FUT8: variants seen among roughly 807,000 people sequenced by gnomAD.
The protein encoded by FUT8 is alpha-(1,6)-fucosyltransferase.
In FUT8, 29 loss-of-function variants were observed where a neutral mutation model predicts 71.3. The ratio of observed to expected loss-of-function variants is 0.41; its 90% confidence interval spans 0.30 to 0.55. FUT8 has a LOEUF of 0.55. FUT8 is among the 20% of genes least tolerant of loss of function. FUT8 has a pLI of 0.34. For synonymous variants in FUT8, 254 were observed against 239.3 expected, an observed-to-expected ratio of 1.06 and a Z score of -0.57; for missense variants, 544 against 702.1, an observed-to-expected ratio of 0.77 and a Z score of 2.55.
intron 9 of FUT8, among the ~76,000 whole-genome samples, chr14:65,726,263 T>G (rs944234601): frequency 3.3e-5 from 5 of 152,388 alleles, no homozygotes; most frequent in Admixed American, 3.3e-4. Context: ...CAAGCTTTTT[T>G]CCTTGTTTTC....
chr14:65,617,196 G>T, intron 5 of FUT8: 1 of 1,532,940 alleles, frequency 6.5e-7, no homozygotes, highest in South Asian at 1.3e-5. Flanking sequence ...ATACAAGTAA[G>T]AGATTTCATA....
At chr14:65,545,314 C>T (rs1415238019) in intron 2 of FUT8, among the ~76,000 whole-genome samples, 1 of 151,912 alleles carries the variant, frequency 6.6e-6, no homozygotes, top group Non-Finnish European at 1.5e-5. Context: ...GAGTCTTGGG[C>T]ACATATTAAT....
intron 2 of FUT8, among the ~76,000 whole-genome samples, chr14:65,464,226 T>G (rs1221306105): frequency 6.6e-6 from 1 of 151,892 alleles, no homozygotes; most frequent in Non-Finnish European, 1.5e-5. Flanking sequence ...TAATTGCTTA[T>G]TATTTCCAGG....
At chr14:65,624,757 T>C (rs982205788) in intron 5 of FUT8, among the ~76,000 whole-genome samples, 2 of 152,240 alleles carry the variant, frequency 1.3e-5, no homozygotes, top group Non-Finnish European at 2.9e-5. Context: ...TTGTATGACA[T>C]CTCCAGCACG....
chr14:65,383,989 T>G, the FUT8 span, among the ~76,000 whole-genome samples: 1 of 146,560 alleles, frequency 6.8e-6, no homozygotes, highest in African/African-American at 2.4e-5. Flanking sequence ...TGGCAGCCAC[T>G]GCAAGAATCA....
At position 65,561,327 on chromosome 14, in the gene FUT8, C is replaced by T. The variant is rs1885903233; in HGVS notation, c.-227-10C>T. ...AAATAATTTAAATACATTTCTTACT[C>T]TTTCCACAGCATGTAGAGCGCATGA... On this transcript the variant is annotated splice_polypyrimidine_tract_variant and intron_variant, in intron 2 of 10. Coordinates refer to ENST00000673929, the MANE Select transcript of FUT8 (RefSeq NM_001371533.1). The T allele has an allele frequency of 2.1e-6, 1 of 482,034 alleles. No individual in the cohort carries two copies. The highest frequency in any genetic ancestry group is 1.9e-5 in the African/African-American group (1 of 52,158). The allele number at this position is 482,034 out of a possible 1,614,324, so 29.9% of individuals were successfully genotyped here.
At chr14:65,613,361 A>G (rs1889108104) in intron 3 of FUT8, among the ~76,000 whole-genome samples, 2 of 152,202 alleles carry the variant, frequency 1.3e-5, no homozygotes, top group South Asian at 4.1e-4. Flanking sequence ...TTCTATTTTC[A>G]AATTGTTTCC....
Position 65,436,615 on chromosome 14 carries a change from C to G in FUT8, c.-325-19006C>G, listed in dbSNP as rs1345152049. Reference sequence around the variant, plus strand: ...CTGCACTCCAGCCTGGGCGACAGAGCGAGACTCCCTCTCAAAAAAAAAAAA... The same window carrying G: ...CTGCACTCCAGCCTGGGCGACAGAGGGAGACTCCCTCTCAAAAAAAAAAAA... On this transcript the variant is annotated intron_variant, in intron 1 of 10. Transcript: ENST00000673929. Among the ~76,000 whole-genome samples, 5 of 131,760 alleles carry G rather than the reference C, an allele frequency of 3.8e-5. No homozygotes were observed. In the South Asian group the frequency reaches 1.0e-3, roughly 27 times the overall value. 86.4% of individuals were successfully genotyped at this position (131,760 alleles called of 152,430 possible). A position where few individuals can be genotyped will look rare whatever the true frequency, so the allele number is the denominator to read the frequency against.
rs1300760778 is a variant in FUT8 at position 65,743,162 on chromosome 14, T to C, written c.*752T>C. On this transcript the variant is annotated 3_prime_UTR_variant, in exon 11 of 11. Coordinates refer to ENST00000673929, the MANE Select transcript of FUT8 (RefSeq NM_001371533.1). ...AAGGAATTTTGTAAAGTTTCTAGAA[T>C]TTTATATCATTGGATGATATGTTGA... is the stretch of plus-strand genomic sequence containing the variant. 6.6e-6 allele frequency: 1 copy of C among 152,278 alleles called. No individual in the cohort carries two copies. Among genetic ancestry groups the C allele is most frequent in the Non-Finnish European group, 1.5e-5 (1 of 67,888 alleles). The allele number at this position is 152,278 out of a possible 1,614,324, so 9.4% of individuals were successfully genotyped here. A position where few individuals can be genotyped will look rare whatever the true frequency, so the allele number is the denominator to read the frequency against.
chr14:65,487,158 CAGT>C (rs1156956818), intron 2 of FUT8, among the ~76,000 whole-genome samples: 2 of 152,226 alleles, frequency 1.3e-5, no homozygotes, highest in African/African-American at 4.8e-5. Flanking sequence ...AGGGCTTTGA[CAGT>C]AGGGGTCAGG....
intron 7 of FUT8, among the ~76,000 whole-genome samples, chr14:65,707,969 A>G (rs1475199269): frequency 1.3e-5 from 2 of 152,088 alleles, no homozygotes; most frequent in African/African-American, 4.8e-5. Flanking sequence ...GAATTCATAC[A>G]TATGTTAGGA....
chr14:65,364,015 G>A, the FUT8 span, among the ~76,000 whole-genome samples: 1 of 152,148 alleles, frequency 6.6e-6, no homozygotes, highest in Non-Finnish European at 1.5e-5. Context: ...TGATGCAGGG[G>A]TCCACATTTT....
At chr14:65,426,148 T>C (rs2065383689) in intron 1 of FUT8, among the ~76,000 whole-genome samples, 2 of 152,116 alleles carry the variant, frequency 1.3e-5, no homozygotes, top group South Asian at 4.2e-4. Context: ...CACCATTCTG[T>C]TCTCTGCTTC....
At chr14:65,549,661 A>C (rs1239624743) in intron 2 of FUT8, among the ~76,000 whole-genome samples, 1 of 152,198 alleles carries the variant, frequency 6.6e-6, no homozygotes, top group Non-Finnish European at 1.5e-5. Context: ...TGCCTAACTA[A>C]TGATGATGGA....
the FUT8 span, among the ~76,000 whole-genome samples, chr14:65,394,113 T>A: frequency 6.6e-6 from 1 of 152,168 alleles, no homozygotes; most frequent in Non-Finnish European, 1.5e-5. Flanking sequence ...TGCACCACCA[T>A]GCCTGGCTAA....
rs544126602 is a variant in FUT8, at chr14:65,598,689, T to C, written c.204-17289T>C. Among the ~76,000 whole-genome samples the C allele has an allele frequency of 2.0e-5, 3 of 152,352 alleles. No homozygotes were observed. In the East Asian group the frequency reaches 5.8e-4, roughly 29 times the overall value. ...AATTATGGAGGAAAATAATGTGTTT[T>C]CATAGTAGTATAATTACTATTCCAA... On this transcript the variant is annotated intron_variant, in intron 3 of 10. Coordinates refer to ENST00000673929, the MANE Select transcript of FUT8 (RefSeq NM_001371533.1).
In FUT8 at chr14:65,638,840, A is replaced by C. The variant is rs1890695109; in HGVS notation, c.597+9234A>C. On this transcript the variant is annotated intron_variant, in intron 6 of 10. Coordinates refer to ENST00000673929, the MANE Select transcript of FUT8 (RefSeq NM_001371533.1). This position sits in a 1 kb window ranked among gnomAD's most constrained non-coding sequence, Gnocchi z 4.5. ...AATTGTGTTCTACCAAGTAATTCAG[A>C]TTGCATTTGTATTTCCGCCTAACCA... 6.6e-6 allele frequency among the ~76,000 whole-genome samples: 1 copy of C among 152,214 alleles called. No individual in the cohort carries two copies. The highest frequency in any genetic ancestry group is 1.5e-5 in the Non-Finnish European group (1 of 68,038).
chr14:65,478,011 T>C (rs1245353404), intron 2 of FUT8, among the ~76,000 whole-genome samples: 5 of 152,164 alleles, frequency 3.3e-5, no homozygotes, highest in Non-Finnish European at 7.4e-5. Context: ...AATCAGAAGA[T>C]TCTAGCTTCT....
chr14:65,441,048 A>G (rs1430778005), intron 1 of FUT8, among the ~76,000 whole-genome samples: 1 of 152,214 alleles, frequency 6.6e-6, no homozygotes, highest in Non-Finnish European at 1.5e-5. Context: ...AAAAGAATGA[A>G]TATAAGCTGG....
Sources: allele counts gnomAD v4.1 joint callset (sites outside exome capture counted in the v4.1 genomes callset), GRCh38; gene constraint gnomAD v4.1.1; non-coding constraint Gnocchi (gnomAD v3.1); transcripts MANE v1.5; gene names NCBI Gene and HGNC (gene_info 2026-07-23, HGNC 2026-07-21).